FBXL4: variants seen among roughly 807,000 people sequenced by gnomAD.
FBXL4 encodes F-box/LRR-repeat protein 4.
In FBXL4, 40 loss-of-function variants were observed where a neutral mutation model predicts 58.9. The ratio of observed to expected loss-of-function variants is 0.68; its 90% CI spans 0.53 to 0.88. FBXL4 has a LOEUF of 0.88. Ranked by LOEUF, FBXL4 falls within the 40% of genes least tolerant of loss-of-function variation. The pLI is 0.00. For missense variants in FBXL4, 676 were observed against 734.4 expected, an observed-to-expected ratio of 0.92 and a Z score of 0.92; for synonymous variants, 263 against 265.5, an observed-to-expected ratio of 0.99 and a Z score of 0.09.
chr6:98,935,492 A>G (rs1369316859), intron 1 of FBXL4, among the ~76,000 whole-genome samples: 1 of 152,152 alleles, frequency 6.6e-6, no homozygotes, highest in East Asian at 1.9e-4. Context: ...AACGATGGGT[A>G]AGAATAAGCC....
Position 98,905,517 on chromosome 6 carries a change from C to A in FBXL4, c.1012G>T (p.Glu338Ter), listed in dbSNP as rs1582402094. 1 of 1,613,950 alleles carries A rather than the reference C, an allele frequency of 6.2e-7. No homozygotes were observed. Among genetic ancestry groups the A allele is most frequent in the Non-Finnish European group, 8.5e-7 (1 of 1,179,938 alleles). ...AGAGTGCAGCGAGACTGTAGAAATT[C>A]CAGAGAAGTGTCATCTAGTTTTGCC... ...YWAKLDDTSL[E>*]FLQSRCTLVQ... The change falls in exon 6 of 10, where the codon GAA becomes TAA. Residue 338 changes from glutamate (E) to a stop codon, truncating the protein, a stop_gained. Transcript: ENST00000369244. LOFTEE classifies it high-confidence loss of function.
chr6:98,892,415 G>C (rs1018818699), intron 7 of FBXL4, among the ~76,000 whole-genome samples: 1 of 152,066 alleles, frequency 6.6e-6, no homozygotes, highest in African/African-American at 2.4e-5. Flanking sequence ...CAATCAGTTT[G>C]GTCTTATAGT....
intron 6 of FBXL4, among the ~76,000 whole-genome samples, chr6:98,902,416 T>A (rs1206411934): frequency 6.6e-6 from 1 of 152,104 alleles, no homozygotes; most frequent in African/African-American, 2.4e-5. Context: ...CTTAAAATGG[T>A]CTCTACTTTC....
chr6:98,927,154 T>C, intron 3 of FBXL4, 94 bp from the exon 4 acceptor site: 1 of 573,500 alleles, frequency 1.7e-6, no homozygotes, highest in Non-Finnish European at 2.9e-6. Flanking sequence ...CTCAATGTAA[T>C]TTCTCAGAAT....
At chr6:98,890,297 C>T (rs1232458542) in intron 7 of FBXL4, among the ~76,000 whole-genome samples, 1 of 152,068 alleles carries the variant, frequency 6.6e-6, no homozygotes, top group Admixed American at 6.5e-5. Context: ...GGATAGGTAA[C>T]AAGTGTACAT....
chr6:98,889,253 A>G (rs1481359933), intron 7 of FBXL4, among the ~76,000 whole-genome samples: 1 of 152,222 alleles, frequency 6.6e-6, no homozygotes, highest in East Asian at 1.9e-4. Context: ...CAAAGGAATT[A>G]GTCCATAAAC....
At chr6:98,938,261 C>T (rs1393922092) in intron 1 of FBXL4, among the ~76,000 whole-genome samples, 1 of 152,084 alleles carries the variant, frequency 6.6e-6, no homozygotes, top group African/African-American at 2.4e-5. Flanking sequence ...AGGTTCTCAT[C>T]CATAGAGTTC....
chr6:98,883,453 T>C (rs1342417427), intron 7 of FBXL4, among the ~76,000 whole-genome samples: 1 of 151,992 alleles, frequency 6.6e-6, no homozygotes, highest in Admixed American at 6.6e-5. Context: ...TTAATCCTTT[T>C]CCCCCTTATG....
chr6:98,890,746 C>T (rs146669919), intron 7 of FBXL4, among the ~76,000 whole-genome samples: 2 of 152,000 alleles, frequency 1.3e-5, no homozygotes, highest in Admixed American at 1.3e-4. Flanking sequence ...TGGTGAAACC[C>T]TATCCCTACT....
chr6:98,891,758 G>A (rs1384002204), intron 7 of FBXL4, among the ~76,000 whole-genome samples: 1 of 151,512 alleles, frequency 6.6e-6, no homozygotes, highest in African/African-American at 2.4e-5. Flanking sequence ...AGACATGGCA[G>A]TTTACATATT....
In FBXL4 at chr6:98,897,000, T is replaced by C. The variant is rs375964533; in HGVS notation, c.1317+2268A>G. 1.0e-5 allele frequency: 10 copies of C among 985,146 alleles called. No individual in the cohort carries two copies. In the African/African-American group the frequency reaches 1.0e-4, roughly 10 times the overall value. 61.0% of individuals were successfully genotyped at this position (985,146 alleles called of 1,614,324 possible). A position where few individuals can be genotyped will look rare whatever the true frequency, so the allele number is the denominator to read the frequency against. Reference sequence around the variant, plus strand: ...ATTACTATACAACATTTCAAAAACATCTCATGGGATATATTTTCACAAGCC... The same window carrying C: ...ATTACTATACAACATTTCAAAAACACCTCATGGGATATATTTTCACAAGCC... On this transcript the variant is annotated intron_variant, in intron 7 of 9. Coordinates refer to ENST00000369244, the MANE Select transcript of FBXL4 (RefSeq NM_001278716.2).
intron 2 of FBXL4, among the ~76,000 whole-genome samples, chr6:98,929,344 G>A (rs962788315): frequency 2.6e-5 from 4 of 152,130 alleles, no homozygotes; most frequent in African/African-American, 4.8e-5. Context: ...GGCTGAGGCA[G>A]GTGGATCACC....
intron 1 of FBXL4, among the ~76,000 whole-genome samples, chr6:98,939,670 A>G (rs900353640): frequency 6.6e-6 from 1 of 152,194 alleles, no homozygotes; most frequent in Non-Finnish European, 1.5e-5. Flanking sequence ...ATAACAAGCA[A>G]TTCCATTTTT....
chr6:98,922,689 T>G (rs1323258486), intron 4 of FBXL4, among the ~76,000 whole-genome samples: 1 of 152,208 alleles, frequency 6.6e-6, no homozygotes, highest in Non-Finnish European at 1.5e-5. Flanking sequence ...TCTTGTCCTT[T>G]CGACTTTGTG....
chr6:98,876,787 C>T (rs1472694044), intron 8 of FBXL4, among the ~76,000 whole-genome samples: 3 of 152,066 alleles, frequency 2.0e-5, no homozygotes, highest in Non-Finnish European at 4.4e-5. Context: ...AAAATGAGAT[C>T]CATACAGTCC....
intron 2 of FBXL4, among the ~76,000 whole-genome samples, chr6:98,929,101 A>C (rs902096876): frequency 6.6e-6 from 1 of 152,230 alleles, no homozygotes; most frequent in Non-Finnish European, 1.5e-5. Flanking sequence ...ATAGGTGATG[A>C]GCAAATTAAA....
intron 5 of FBXL4, among the ~76,000 whole-genome samples, chr6:98,915,931 G>A (rs1772325407): frequency 6.6e-6 from 1 of 151,930 alleles, no homozygotes; most frequent in East Asian, 1.9e-4. Context: ...TCTGACTAAG[G>A]GCTAATATCC....
chr6:98,901,070 T>C (rs1771592750), intron 6 of FBXL4, among the ~76,000 whole-genome samples: 1 of 152,144 alleles, frequency 6.6e-6, no homozygotes, highest in South Asian at 2.1e-4. Context: ...ACAAAATCCC[T>C]GCTCTCATGA....
chr6:98,922,129 T>C (rs986893472), intron 4 of FBXL4, among the ~76,000 whole-genome samples: 9 of 152,316 alleles, frequency 5.9e-5, no homozygotes, highest in Non-Finnish European at 8.8e-5. Flanking sequence ...GGTTTCACCA[T>C]GTTGGCCAGG....
Sources: allele counts gnomAD v4.1 joint callset (sites outside exome capture counted in the v4.1 genomes callset), GRCh38; gene constraint gnomAD v4.1.1; transcripts MANE v1.5; gene names NCBI Gene and HGNC (gene_info 2026-07-23, HGNC 2026-07-21).